The following MAST4 variants were observed in gnomAD, a reference collection of about 807,000 sequenced individuals.
The protein encoded by MAST4 is microtubule-associated serine/threonine-protein kinase 4.
MAST4 carries 89 observed loss-of-function variants against 162.7 expected under a neutral mutation model. The ratio of observed to expected loss-of-function variants is 0.55; its 90% CI spans 0.46 to 0.65. The LOEUF (loss-of-function observed/expected upper bound fraction) is 0.65. Ranked by LOEUF, MAST4 falls within the 30% of genes least tolerant of loss-of-function variation. MAST4 has a pLI of 0.00. For synonymous variants in MAST4, 1,479 were observed against 1,361.1 expected, an observed-to-expected ratio of 1.09 and a Z score of -1.91; for missense variants, 3,153 against 3,374.0, an observed-to-expected ratio of 0.93 and a Z score of 1.62.
In MAST4 at chr5:67,100,375, T is replaced by C. The variant is rs939109616; in HGVS notation, c.913-60T>C. On this transcript the variant is annotated intron_variant, in intron 7 of 28. Coordinates refer to ENST00000403625, the MANE Select transcript of MAST4 (RefSeq NM_001164664.2). The stretch of plus-strand genomic sequence containing the variant: ...CCAAGTTTAACTCATCGATCTCTCC[T>C]GTTCATTTGAAGAGTTTCTTTCTGA... 3 of 1,561,142 alleles carry C rather than the reference T, an allele frequency of 1.9e-6. No homozygotes were observed. In the African/African-American group the frequency reaches 4.1e-5, roughly 21 times the overall value.
intron 1 of MAST4, among the ~76,000 whole-genome samples, chr5:66,719,652 C>T (rs762200497): frequency 2.0e-5 from 3 of 152,044 alleles, no homozygotes; most frequent in Non-Finnish European, 1.5e-5. Flanking sequence ...CCCATCAACC[C>T]GTCATCTAGG....
At chr5:66,651,029 A>C (rs2149447746) in intron 1 of MAST4, among the ~76,000 whole-genome samples, 1 of 152,286 alleles carries the variant, frequency 6.6e-6, no homozygotes, top group Non-Finnish European at 1.5e-5. Flanking sequence ...TGATTCAGTG[A>C]ATTACTGCTG....
At position 67,163,261 on chromosome 5, in the gene MAST4, A is replaced by C. The variant is rs1337063694; in HGVS notation, c.4082A>C (p.Gln1361Pro). The C allele has an allele frequency of 2.5e-6, 4 of 1,613,562 alleles. No homozygotes were observed. The highest frequency in any genetic ancestry group is 3.4e-6 in the Non-Finnish European group (4 of 1,179,872). ...LHGLAPKLGG[Q>P]RYRSGRRKSA... ...GGTCTTGCACCCAAACTCGGCGGGC[A>C]GCGGTACCGGTCCGGAAGGCGAAAG... The change falls in exon 29 of 29, where the codon CAG (glutamine) becomes CCG (proline). Residue 1361 changes from glutamine (Q) to proline (P), a missense_variant. Physicochemically the swap from Gln to Pro is moderately conservative, Grantham distance 76. This residue lies in a region of MAST4 where 619 missense variants were observed against 744.2 expected (regional missense o/e 0.83). Transcript: ENST00000403625. The surrounding 1 kb of genome is among the most constrained non-coding windows in gnomAD (Gnocchi z 7.0).
At chr5:66,971,165 G>T (rs1268530407) in intron 4 of MAST4, among the ~76,000 whole-genome samples, 1 of 152,172 alleles carries the variant, frequency 6.6e-6, no homozygotes, top group Non-Finnish European at 1.5e-5. Flanking sequence ...TTTCTTGCTT[G>T]GTTCCCTAGA....
Position 67,021,042 on chromosome 5 carries a change from A to G in MAST4, c.675-33362A>G, listed in dbSNP as rs1249312922. ...ACCTAGGACAATCCCTAGCAAATAT[A>G]GAGACTCAATAAATTGTAATTTTAC... is the stretch of plus-strand genomic sequence containing the variant. On this transcript the variant is annotated intron_variant, in intron 4 of 28. Coordinates refer to ENST00000403625, the MANE Select transcript of MAST4 (RefSeq NM_001164664.2). Among the ~76,000 whole-genome samples, 3 of 152,210 alleles carry G rather than the reference A, an allele frequency of 2.0e-5. No homozygotes were observed. In the East Asian group the frequency reaches 5.8e-4, roughly 29 times the overall value.
At chr5:67,055,003 A>G (rs1758627817) in intron 5 of MAST4, among the ~76,000 whole-genome samples, 1 of 151,324 alleles carries the variant, frequency 6.6e-6, no homozygotes, top group South Asian at 2.1e-4. Flanking sequence ...ACTGCTTTAT[A>G]TGCTGGTTTT....
At chr5:67,025,505 G>A (rs901490862) in intron 4 of MAST4, among the ~76,000 whole-genome samples, 1 of 152,114 alleles carries the variant, frequency 6.6e-6, no homozygotes, top group Non-Finnish European at 1.5e-5. Context: ...AGACATCTTG[G>A]AAGTCCACAG....
intron 4 of MAST4, chr5:66,959,346 T>C: frequency 1.3e-6 from 1 of 778,866 alleles, no homozygotes; most frequent in Non-Finnish European, 2.4e-6. Context: ...GGCACTCGCT[T>C]TCTGGCGACC....
At chr5:66,742,747 A>G (rs2149576006) in intron 1 of MAST4, among the ~76,000 whole-genome samples, 1 of 152,310 alleles carries the variant, frequency 6.6e-6, no homozygotes, top group East Asian at 1.9e-4. Flanking sequence ...TGTAACCTAC[A>G]GGAGAGTTTT....
At chr5:66,727,120 G>T (rs1335818777) in intron 1 of MAST4, among the ~76,000 whole-genome samples, 1 of 152,020 alleles carries the variant, frequency 6.6e-6, no homozygotes, top group African/African-American at 2.4e-5. Flanking sequence ...TGCATGTAAG[G>T]GATGAAGATG....
chr5:66,741,578 T>A (rs1290608951), intron 1 of MAST4, among the ~76,000 whole-genome samples: 2 of 152,132 alleles, frequency 1.3e-5, no homozygotes, highest in African/African-American at 4.8e-5. Flanking sequence ...TGTTTGCCAA[T>A]CCCTGGAATG....
chr5:67,064,155 A>T (rs1231912098), intron 5 of MAST4, among the ~76,000 whole-genome samples: 1 of 152,072 alleles, frequency 6.6e-6, no homozygotes, highest in Non-Finnish European at 1.5e-5. Flanking sequence ...TTGAAAGGAG[A>T]GTTGGAGTGA....
At chr5:66,930,913 T>C (rs4099838) in intron 4 of MAST4, 35,760 of 350,100 alleles carry the variant, frequency 0.1, 3,688 homozygotes, top group African/African-American at 0.35. Context: ...GGAGGGTATC[T>C]ACTCTTCTTC....
At chr5:67,152,332 T>C (rs766782219) in intron 24 of MAST4, among the ~76,000 whole-genome samples, 6 of 152,218 alleles carry the variant, frequency 3.9e-5, no homozygotes, top group Non-Finnish European at 7.3e-5. Flanking sequence ...CTAATCCTTG[T>C]GGTGTCTTTT....
chr5:67,010,973 G>T (rs554045552), intron 4 of MAST4, among the ~76,000 whole-genome samples: 2 of 152,246 alleles, frequency 1.3e-5, no homozygotes, highest in East Asian at 1.9e-4. Flanking sequence ...ATTCGTGGCT[G>T]GCCCGTCAGC....
At chr5:66,651,189 T>G (rs1024830831) in intron 1 of MAST4, among the ~76,000 whole-genome samples, 1 of 152,018 alleles carries the variant, frequency 6.6e-6, no homozygotes, top group Non-Finnish European at 1.5e-5. Context: ...TCTTTTTTTT[T>G]TTGAAAAAAG....
chr5:67,149,383 G>C lies in MAST4; in HGVS notation c.3095-6G>C. ...TGAATGTGTTTATCCCTTCTTCTTT[G>C]TACAGTTGGCAGTTTTTCAGAGCAC... On this transcript the variant is annotated splice_polypyrimidine_tract_variant and splice_region_variant and intron_variant, in intron 23 of 28. Transcript: ENST00000403625. 1 of 1,610,316 alleles carries C rather than the reference G, an allele frequency of 6.2e-7. No homozygotes were observed. Among genetic ancestry groups the C allele is most frequent in the Non-Finnish European group, 8.5e-7 (1 of 1,178,282 alleles).
At chr5:66,702,280 A>G (rs1030467142) in intron 1 of MAST4, among the ~76,000 whole-genome samples, 2 of 152,108 alleles carry the variant, frequency 1.3e-5, no homozygotes, top group Non-Finnish European at 2.9e-5. Flanking sequence ...TTATTCACTT[A>G]TTACCACCAA....
Position 66,780,829 on chromosome 5 carries a change from C to T in MAST4, c.518-7841C>T, listed in dbSNP as rs373152016. Among the ~76,000 whole-genome samples, 41 of 152,162 alleles carry T rather than the reference C, an allele frequency of 2.7e-4. No homozygotes were observed. In the South Asian group the frequency reaches 5.8e-3, roughly 22 times the overall value. Reference sequence around the variant, plus strand: ...CTGATTGATGCATTTTTACAGAGTGCGGATTGGCGCATTTACAATCCTTTA... The same window carrying T: ...CTGATTGATGCATTTTTACAGAGTGTGGATTGGCGCATTTACAATCCTTTA... On this transcript the variant is annotated intron_variant, in intron 2 of 28. Coordinates refer to ENST00000403625, the MANE Select transcript of MAST4 (RefSeq NM_001164664.2).
Sources: gnomAD v4.1 joint callset for allele counts (sites outside exome capture counted in the v4.1 genomes callset) on GRCh38, gnomAD v4.1.1 for gene constraint, gnomAD v4.1.1 regional missense constraint, Gnocchi (gnomAD v3.1) non-coding constraint, MANE v1.5 for transcripts, NCBI Gene and HGNC (gene_info 2026-07-23, HGNC 2026-07-21) for gene names.